Variants in PWWP3A observed in about 807,000 individuals in gnomAD.
PWWP3A encodes PWWP domain-containing DNA repair factor 3A.
In PWWP3A, 53 loss-of-function variants were observed where a neutral mutation model predicts 79.0. That is an observed-to-expected ratio of 0.67 (90% CI 0.54 to 0.84). The LOEUF is 0.84. Ranked by LOEUF, PWWP3A falls within the 40% of genes least tolerant of loss-of-function variation. PWWP3A has a pLI of 0.00. For synonymous variants in PWWP3A, 443 were observed against 394.4 expected (o/e 1.12, Z -1.46); for missense variants, 973 against 948.0 (o/e 1.03, Z -0.35).
intron 5 of PWWP3A, among the ~76,000 whole-genome samples, chr19:1,361,456 CTT>C (rs934651592): frequency 1.3e-5 from 2 of 152,222 alleles, no homozygotes; most frequent in Non-Finnish European, 2.9e-5. Context: ...AAAAGACTGA[CTT>C]TTTAAAGAAT....
Position 1,361,032 on chromosome 19 carries a change from G to A in PWWP3A, c.1111G>A (p.Glu371Lys). ...PCPDSQKLEKECQSSEESMGS... is the reference protein window; with the variant it reads ...PCPDSQKLEKKCQSSEESMGS... ...CCCGGATTCCCAGAAGCTGGAGAAAGGTAAAAGTTTCTCGTGGAGGAGGAG... is the reference window on the plus strand; with the variant it reads ...CCCGGATTCCCAGAAGCTGGAGAAAAGTAAAAGTTTCTCGTGGAGGAGGAG... The change falls in exon 5 of 14, where the codon GAG becomes AAG. Residue 371 changes from glutamate (E) to lysine (K), a missense_variant and splice_region_variant. Physicochemically the swap from Glu to Lys is moderately conservative, Grantham distance 56. Transcript: ENST00000591337. The A allele has an allele frequency of 7.0e-7, 1 of 1,426,140 alleles. No homozygotes were observed. Among genetic ancestry groups the A allele is most frequent in the Non-Finnish European group, 9.2e-7 (1 of 1,087,782 alleles). The allele number at this position is 1,426,140 out of a possible 1,614,324, so 88.3% of individuals were successfully genotyped here.
Position 1,356,305 on chromosome 19 carries a change from C to G in PWWP3A, c.-69-19C>G. ...GCCAGCAAACAGTTGTATAAACCAC[C>G]GTGCAAATTTCGTTCCAGGACACAT... On this transcript the variant is annotated intron_variant, in intron 1 of 13. Transcript: ENST00000591337. 1.5e-6 allele frequency: 2 copies of G among 1,300,880 alleles called. No individual in the cohort carries two copies. Among genetic ancestry groups the G allele is most frequent in the Non-Finnish European group, 2.2e-6 (2 of 897,284 alleles). 80.6% of individuals were successfully genotyped at this position (1,300,880 alleles called of 1,614,324 possible). A position where few individuals can be genotyped will look rare whatever the true frequency, so the allele number is the denominator to read the frequency against.
chr19:1,370,879 G>C lies in PWWP3A; in HGVS notation c.1787G>C (p.Arg596Thr). The change falls in exon 12 of 14, where the codon AGG becomes ACG. Residue 596 changes from arginine to threonine, a missense_variant. By Grantham distance (71) the Arg-to-Thr change is moderately conservative. Transcript: ENST00000591337. ...ESHLRAILKS[R>T]KPSRWLQTFL... ...CACCTGCGGGCCATCCTAAAGAGCA[G>C]GAAGCCATCTCGCTGGCTGCAGACC... 1 of 1,557,766 alleles carries C rather than the reference G, an allele frequency of 6.4e-7. No individual in the cohort carries two copies. The highest frequency in any genetic ancestry group is 8.7e-7 in the Non-Finnish European group (1 of 1,150,458).
Position 1,358,686 on chromosome 19 carries a change from C to T in PWWP3A, c.214+222C>T, listed in dbSNP as rs754932265. ...CTAGAACCACTCCTATTCTTGACGCCCAGAATGGTCAGTGGTGAGCATCAA... is the reference window on the plus strand; with the variant it reads ...CTAGAACCACTCCTATTCTTGACGCTCAGAATGGTCAGTGGTGAGCATCAA... On this transcript the variant is annotated intron_variant, in intron 4 of 13. Coordinates refer to ENST00000591337, the MANE Select transcript of PWWP3A (RefSeq NM_001369789.1). 1.3e-5 allele frequency: 20 copies of T among 1,522,108 alleles called. No homozygotes were observed. The South Asian group carries it at 1.9e-4, about 15-fold the overall frequency. 94.3% of individuals were successfully genotyped at this position (1,522,108 alleles called of 1,614,324 possible).
Position 1,356,304 on chromosome 19 carries a change from C to T in PWWP3A, c.-69-20C>T, listed in dbSNP as rs765343008. ...CGCCAGCAAACAGTTGTATAAACCA[C>T]CGTGCAAATTTCGTTCCAGGACACA... is the stretch of plus-strand genomic sequence containing the variant. On this transcript the variant is annotated intron_variant, in intron 1 of 13. Transcript: ENST00000591337. The T allele has an allele frequency of 7.7e-7, 1 of 1,295,676 alleles. No homozygotes were observed. The highest frequency in any genetic ancestry group is 1.5e-5 in the African/African-American group (1 of 68,946). The allele number at this position is 1,295,676 out of a possible 1,614,324, so 80.3% of individuals were successfully genotyped here. A position where few individuals can be genotyped will look rare whatever the true frequency, so the allele number is the denominator to read the frequency against.
At chr19:1,364,217 C>T (rs772556794) in intron 6 of PWWP3A, 2 of 587,858 alleles carry the variant, frequency 3.4e-6, no homozygotes, top group Admixed American at 1.9e-5. Context: ...CCCAGCCGCC[C>T]CTCGTGGCAC....
chr19:1,357,144 A>T, intron 3 of PWWP3A, 50 bp downstream of exon 3: 1 of 1,411,742 alleles, frequency 7.1e-7, no homozygotes, highest in Non-Finnish European at 9.9e-7. Flanking sequence ...TAGATTTCTG[A>T]TACTTCAATC....
rs764327500 is a variant in PWWP3A at position 1,369,255 on chromosome 19, C to G, written c.1423-10C>G. On this transcript the variant is annotated splice_polypyrimidine_tract_variant and intron_variant, in intron 9 of 13. Coordinates refer to ENST00000591337, the MANE Select transcript of PWWP3A (RefSeq NM_001369789.1). The surrounding 1 kb of genome is among the most constrained non-coding windows in gnomAD (Gnocchi z 4.0). The stretch of plus-strand genomic sequence containing the variant: ...TCCCACTGACGCCTGCTGCCCGGAT[C>G]TCATTGTAGAATCAAGCCAGGGAGG... 5 of 1,613,990 alleles carry G rather than the reference C, an allele frequency of 3.1e-6. No individual in the cohort carries two copies. The highest frequency in any genetic ancestry group is 1.7e-5 in the Admixed American group (1 of 60,028).
chr19:1,375,688 T>C (rs986338111), intron 13 of PWWP3A, among the ~76,000 whole-genome samples: 1 of 135,592 alleles, frequency 7.4e-6, no homozygotes, highest in Non-Finnish European at 1.6e-5. Flanking sequence ...TTTTATAATA[T>C]ATAAAACAAT....
Position 1,367,078 on chromosome 19 carries a change from A to G in PWWP3A, c.1362-82A>G, listed in dbSNP as rs1174300004. 1.1e-5 allele frequency: 13 copies of G among 1,171,786 alleles called. No homozygotes were observed. The Admixed American group carries it at 2.5e-4, about 22-fold the overall frequency. The allele number at this position is 1,171,786 out of a possible 1,614,324, so 72.6% of individuals were successfully genotyped here. ...GTGGGGCCTCCAGCGGCCTCCACTG[A>G]TCTTAATCAGAGACAGGGAAAGGTT... On this transcript the variant is annotated intron_variant, in intron 8 of 13. Transcript: ENST00000591337.
At chr19:1,371,297 T>C in intron 12 of PWWP3A, 1 of 716,356 alleles carries the variant, frequency 1.4e-6, no homozygotes, top group South Asian at 1.5e-5. Flanking sequence ...ACTTGACCCC[T>C]GTGCAGAGAT....
At chr19:1,358,598 TC>T (rs2081939173) in intron 4 of PWWP3A, 134 bp downstream of exon 4, 17 of 1,580,562 alleles carry the variant, frequency 1.1e-5, no homozygotes, top group Non-Finnish European at 1.5e-5. Context: ...GGAACGCGAA[TC>T]CCCTGAGCTG....
rs1173146766 is a variant in PWWP3A, at chr19:1,376,669, C to T, written c.*93C>T. On this transcript the variant is annotated 3_prime_UTR_variant, in exon 14 of 14. Transcript: ENST00000591337. ...CTGAAGATGGGGGGCTCAGGGGGCA[C>T]GTTTGCGTTTGGACCTGTCTGTGCG... 1.3e-5 allele frequency: 16 copies of T among 1,251,302 alleles called. No homozygotes were observed. The highest frequency in any genetic ancestry group is 1.2e-4 in the East Asian group (5 of 42,104). The allele number at this position is 1,251,302 out of a possible 1,614,324, so 77.5% of individuals were successfully genotyped here. A position where few individuals can be genotyped will look rare whatever the true frequency, so the allele number is the denominator to read the frequency against.
Position 1,376,378 on chromosome 19 carries a change from TCTC to T in PWWP3A, c.2076-138_2076-136del, listed in dbSNP as rs1258971777. The stretch of plus-strand genomic sequence containing the variant: ...ACCGTGTTAGCCAGGATGGTCCTGA[TCTC>T]CTGACCTTGTGATCCGCCTGCCTCG... On this transcript the variant is annotated intron_variant, in intron 13 of 13. Coordinates refer to ENST00000591337, the MANE Select transcript of PWWP3A (RefSeq NM_001369789.1). 6 of 503,118 alleles carry T rather than the reference TCTC, an allele frequency of 1.2e-5. No homozygotes were observed. In the Middle Eastern group the frequency reaches 1.4e-3, roughly 117 times the overall value. The allele number at this position is 503,118 out of a possible 1,614,324, so 31.2% of individuals were successfully genotyped here.
chr19:1,362,035 C>CCCTCCTTG (rs1368490345), intron 5 of PWWP3A: 1 of 383,164 alleles, frequency 2.6e-6, no homozygotes, highest in Non-Finnish European at 4.8e-6. Flanking sequence ...CTCTCTCCCT[C>CCCTCCTTG]CCTCCTTCCC....
At position 1,369,659 on chromosome 19, in the gene PWWP3A, G is replaced by A; in HGVS notation, c.1549+13G>A. ...GCGGCTGATATAAGTAAGTCTACAG[G>A]CACATCTTGGAAAATGTGGTTTGCC... is the stretch of plus-strand genomic sequence containing the variant. On this transcript the variant is annotated intron_variant, in intron 11 of 13. Coordinates refer to ENST00000591337, the MANE Select transcript of PWWP3A (RefSeq NM_001369789.1). The surrounding 1 kb of genome is among the most constrained non-coding windows in gnomAD (Gnocchi z 4.0). 1.9e-6 allele frequency: 3 copies of A among 1,614,040 alleles called. No individual in the cohort carries two copies. The highest frequency in any genetic ancestry group is 2.5e-6 in the Non-Finnish European group (3 of 1,179,882).
intron 13 of PWWP3A, chr19:1,373,394 C>T (rs1035023970): frequency 3.5e-6 from 2 of 570,970 alleles, no homozygotes; most frequent in African/African-American, 3.8e-5. Flanking sequence ...CAGCACGGGG[C>T]CACGGGCACG....
In PWWP3A at chr19:1,358,219, T is replaced by A. The variant is rs188576303; in HGVS notation, c.144-175T>A. 2.1e-3 allele frequency: 1,138 copies of A among 532,204 alleles called. 9 individuals carry two copies. In the Middle Eastern group the frequency reaches 0.036, roughly 17 times the overall value. 33.0% of individuals were successfully genotyped at this position (532,204 alleles called of 1,614,324 possible). On this transcript the variant is annotated intron_variant, in intron 3 of 13. Coordinates refer to ENST00000591337, the MANE Select transcript of PWWP3A (RefSeq NM_001369789.1). ...AAAAAAAAAAACCATTCACCAGGGT[T>A]CTTGCTGCCTGTAACCTCAGGCAGA...
chr19:1,362,074 C>A, intron 5 of PWWP3A, 176 bp from the exon 6 acceptor site: 4 of 423,356 alleles, frequency 9.4e-6, no homozygotes, highest in Non-Finnish European at 8.4e-6. Flanking sequence ...TTGCGTTTTT[C>A]TTTAAAATGT....
Sources: gnomAD v4.1 joint callset for allele counts (sites outside exome capture counted in the v4.1 genomes callset) on GRCh38, gnomAD v4.1.1 for gene constraint, Gnocchi (gnomAD v3.1) non-coding constraint, MANE v1.5 for transcripts, NCBI Gene and HGNC (gene_info 2026-07-23, HGNC 2026-07-21) for gene names.